CEP170: variants seen among roughly 807,000 people sequenced by gnomAD.
CEP170 encodes centrosomal protein 170.
In CEP170, 21 loss-of-function variants were observed where a neutral mutation model predicts 151.9. That is an observed-to-expected ratio of 0.14 (90% confidence interval 0.10 to 0.20). CEP170 has a LOEUF of 0.20. CEP170 is among the 10% of genes least tolerant of loss of function. The pLI is 1.00. For missense variants in CEP170, 964 were observed against 1,892.9 expected (o/e 0.51, Z 9.11); for synonymous variants, 356 against 648.8 (o/e 0.55, Z 6.86).
At chr1:243,162,506 G>C (rs1281223805) in intron 13 of CEP170, among the ~76,000 whole-genome samples, 2 of 152,124 alleles carry the variant, frequency 1.3e-5, no homozygotes, top group Admixed American at 6.5e-5. Flanking sequence ...CACAATTCAA[G>C]GTTATTTTTG....
At chr1:243,140,216 T>A in intron 15 of CEP170, 109 bp from the exon 16 acceptor site, 1 of 1,447,666 alleles carries the variant, frequency 6.9e-7, no homozygotes, top group Non-Finnish European at 9.2e-7. Context: ...TCTCAAGTAG[T>A]AACAGAGGCA....
intron 4 of CEP170, among the ~76,000 whole-genome samples, chr1:243,207,435 G>T (rs2061497256): frequency 6.6e-6 from 1 of 152,162 alleles, no homozygotes. Context: ...CATAATTATA[G>T]CCTGAGATTT....
intron 14 of CEP170, among the ~76,000 whole-genome samples, chr1:243,143,360 T>C (rs1185432502): frequency 6.6e-6 from 1 of 152,084 alleles, no homozygotes; most frequent in African/African-American, 2.4e-5. Flanking sequence ...ATCACACCTT[T>C]AGATGTAGCT....
intron 1 of CEP170, among the ~76,000 whole-genome samples, chr1:243,241,092 T>C (rs2149125798): frequency 6.6e-6 from 1 of 152,370 alleles, no homozygotes; most frequent in Non-Finnish European, 1.5e-5. Flanking sequence ...CAGAGAATTG[T>C]AGAAGGCAAA....
intron 14 of CEP170, among the ~76,000 whole-genome samples, chr1:243,150,047 A>G (rs921362452): frequency 6.6e-6 from 1 of 152,150 alleles, no homozygotes; most frequent in Admixed American, 6.6e-5. Flanking sequence ...CACTAATAAA[A>G]TTATGTGTAA....
At chr1:243,209,069 T>C (rs1270172930) in intron 4 of CEP170, among the ~76,000 whole-genome samples, 2 of 152,252 alleles carry the variant, frequency 1.3e-5, no homozygotes, top group Non-Finnish European at 2.9e-5. Flanking sequence ...TTTCACTGAG[T>C]ATGTGCTTTT....
intron 1 of CEP170, among the ~76,000 whole-genome samples, chr1:243,231,983 A>G (rs752821349): frequency 3.3e-5 from 5 of 151,578 alleles, no homozygotes; most frequent in Admixed American, 6.6e-5. Flanking sequence ...TCTTTTTGAG[A>G]CAAGGTCTGG....
intron 6 of CEP170, among the ~76,000 whole-genome samples, chr1:243,199,795 T>C (rs2060904012): frequency 6.6e-6 from 1 of 151,930 alleles, no homozygotes; most frequent in Non-Finnish European, 1.5e-5. Context: ...GGATTATTTA[T>C]GTAAGGCATT....
chr1:243,242,724 G>A (rs1209495152), intron 1 of CEP170, among the ~76,000 whole-genome samples: 2 of 150,410 alleles, frequency 1.3e-5, no homozygotes, highest in Non-Finnish European at 3.0e-5. Flanking sequence ...TCTCCAAGAC[G>A]GAGTTTTGCC....
intron 17 of CEP170, among the ~76,000 whole-genome samples, chr1:243,134,715 A>G (rs1400118047): frequency 6.7e-6 from 1 of 149,982 alleles, no homozygotes; most frequent in Non-Finnish European, 1.5e-5. Flanking sequence ...GCTGGTCTTC[A>G]AGTCCTAGGC....
At chr1:243,155,007 G>A (rs1207207849) in intron 14 of CEP170, among the ~76,000 whole-genome samples, 2 of 152,062 alleles carry the variant, frequency 1.3e-5, no homozygotes, top group Middle Eastern at 3.2e-3. Context: ...GCGCCTGGAA[G>A]TACAAAAAAA....
At chr1:243,238,430 G>T (rs1040890036) in intron 1 of CEP170, among the ~76,000 whole-genome samples, 3 of 151,964 alleles carry the variant, frequency 2.0e-5, no homozygotes, top group African/African-American at 7.2e-5. Flanking sequence ...TTGCACTCTA[G>T]CTGGGGCAAC....
intron 1 of CEP170, among the ~76,000 whole-genome samples, chr1:243,254,674 G>A (rs2066404498): frequency 6.6e-6 from 1 of 152,122 alleles, no homozygotes; most frequent in Admixed American, 6.5e-5. Context: ...CGGCGGAGGG[G>A]GGAGGGCTGC....
chr1:243,238,281 C>T (rs2149107057), intron 1 of CEP170, among the ~76,000 whole-genome samples: 1 of 152,098 alleles, frequency 6.6e-6, no homozygotes, highest in Non-Finnish European at 1.5e-5. Context: ...GACACCCTGT[C>T]TCTACAAAAA....
chr1:243,127,357 T>G (rs2053822613), intron 19 of CEP170, among the ~76,000 whole-genome samples: 1 of 152,182 alleles, frequency 6.6e-6, no homozygotes, highest in Admixed American at 6.5e-5. Flanking sequence ...AAAGGTCAGC[T>G]TTCAGTCCAA....
chr1:243,206,869 T>C lies in CEP170; in HGVS notation c.274+5017A>G, dbSNP rs370647328. On this transcript the variant is annotated intron_variant, in intron 4 of 19. Transcript: ENST00000366542. The stretch of plus-strand genomic sequence containing the variant: ...GTATAATGTTACTTGAAGATAAAAC[T>C]TGAAATTAAAGACAAATTATAAGTC... Among the ~76,000 whole-genome samples, 31 of 152,110 alleles carry C rather than the reference T, an allele frequency of 2.0e-4. No individual in the cohort carries two copies. In the East Asian group the frequency reaches 3.7e-3, roughly 18 times the overall value.
intron 7 of CEP170, among the ~76,000 whole-genome samples, chr1:243,198,653 AATTT>A (rs2060818627): frequency 6.6e-6 from 1 of 152,100 alleles, no homozygotes; most frequent in Non-Finnish European, 1.5e-5. Flanking sequence ...AGAATAAATT[AATTT>A]ATTTTAAAAA....
intron 1 of CEP170, among the ~76,000 whole-genome samples, chr1:243,249,365 C>G (rs1397947953): frequency 6.6e-6 from 1 of 151,944 alleles, no homozygotes; most frequent in East Asian, 1.9e-4. Flanking sequence ...CTGCAATGAG[C>G]TGGGATCCTG....
chr1:243,210,828 T>C (rs2061739733), intron 4 of CEP170, among the ~76,000 whole-genome samples: 1 of 151,988 alleles, frequency 6.6e-6, no homozygotes, highest in South Asian at 2.1e-4. Context: ...TTTCACCACA[T>C]TGGTCAGGCT....
Sources: gnomAD v4.1 joint callset for allele counts (sites outside exome capture counted in the v4.1 genomes callset) on GRCh38, gnomAD v4.1.1 for gene constraint, MANE v1.5 for transcripts, NCBI Gene and HGNC (gene_info 2026-07-23, HGNC 2026-07-21) for gene names.